The following CEP20 variants were observed in gnomAD, a reference collection of about 807,000 sequenced individuals.
The protein encoded by CEP20 is FGFR1OP N-terminal like.
CEP20 carries 18 observed loss-of-function variants against 20.0 expected under a neutral mutation model. That is an observed-to-expected ratio of 0.90 (90% CI 0.62 to 1.34). The LOEUF is 1.34. Among genes scored for constraint, CEP20 ranks in the 40% most tolerant of loss-of-function variants. CEP20 has a pLI of 0.00. For missense variants in CEP20, 215 were observed against 201.6 expected (o/e 1.07, Z -0.40); for synonymous variants, 77 against 73.7 (o/e 1.04, Z -0.23).
chr16:15,884,048 T>C lies in CEP20; in HGVS notation c.186A>G (p.Glu62=). 2 of 1,613,812 alleles carry C rather than the reference T, an allele frequency of 1.2e-6. No homozygotes were observed. The highest frequency in any genetic ancestry group is 1.7e-6 in the Non-Finnish European group (2 of 1,179,728). ...ATGCTGTATACTTATATTTGTTGAATTCTAAATACTCTCGAATTAATTCAT... is the reference window on the plus strand; with the variant it reads ...ATGCTGTATACTTATATTTGTTGAACTCTAAATACTCTCGAATTAATTCAT... ...LINELIREYL[E]FNKYKYTASV... The change falls in exon 2 of 5, where the codon GAA becomes GAG. Residue 62 remains glutamate, a synonymous_variant. Coordinates refer to ENST00000255759, the MANE Select transcript of CEP20 (RefSeq NM_144600.4).
At chr16:15,876,717 G>A (rs531326357) in intron 3 of CEP20, among the ~76,000 whole-genome samples, 102 of 152,272 alleles carry the variant, frequency 6.7e-4, no homozygotes, top group African/African-American at 2.5e-3. Context: ...TGAGTAATAT[G>A]TGACTATGGC....
intron 4 of CEP20, among the ~76,000 whole-genome samples, chr16:15,869,350 G>A (rs1023960885): frequency 2.2e-5 from 3 of 137,154 alleles, no homozygotes; most frequent in African/African-American, 5.6e-5. Context: ...TCGCTCTGTC[G>A]CCCAGGCTGG....
intron 3 of CEP20, among the ~76,000 whole-genome samples, chr16:15,875,276 T>A (rs1398821734): frequency 1.3e-5 from 2 of 152,206 alleles, no homozygotes; most frequent in East Asian, 1.9e-4. Flanking sequence ...TACTTTAATC[T>A]TCCCCAAAGT....
chr16:15,867,712 C>A (rs1445507744), intron 4 of CEP20, among the ~76,000 whole-genome samples, 196 bp from the exon 5 acceptor site: 1 of 152,174 alleles, frequency 6.6e-6, no homozygotes, highest in Admixed American at 6.5e-5. Flanking sequence ...GTGGCTCACG[C>A]CTGTAATCCC....
chr16:15,870,980 T>A (rs1024541684), intron 4 of CEP20, among the ~76,000 whole-genome samples: 1 of 152,120 alleles, frequency 6.6e-6, no homozygotes. Context: ...GGGCTGGGCA[T>A]GGCCAGATGC....
Position 15,874,220 on chromosome 16 carries a change from G to A in CEP20, c.312-593C>T, listed in dbSNP as rs376800488. On this transcript the variant is annotated intron_variant, in intron 3 of 4. Transcript: ENST00000255759. Reference sequence around the variant, plus strand: ...TAATAAATGTCAAGTGTTTTTTACTGTGCCTGGCACATATGAAATGGTATA... The same window carrying A: ...TAATAAATGTCAAGTGTTTTTTACTATGCCTGGCACATATGAAATGGTATA... Among the ~76,000 whole-genome samples the A allele has an allele frequency of 3.9e-5, 6 of 152,294 alleles. No individual in the cohort carries two copies. The East Asian group carries it at 1.2e-3, about 29-fold the overall frequency.
At chr16:15,874,914 G>A (rs1347586951) in intron 3 of CEP20, among the ~76,000 whole-genome samples, 6 of 152,134 alleles carry the variant, frequency 3.9e-5, no homozygotes, top group Admixed American at 6.6e-5. Context: ...CACTTCAGCA[G>A]CCCTGGAAAG....
chr16:15,873,618 T>A lies in CEP20; in HGVS notation c.321A>T (p.Leu107Phe). The A allele has an allele frequency of 1.2e-6, 2 of 1,613,546 alleles. No homozygotes were observed. Among genetic ancestry groups the A allele is most frequent in the Non-Finnish European group, 8.5e-7 (1 of 1,179,732 alleles). ...EESKDNTIPL[L>F]YGILAHFLRG... ...GCAAGAAATGGGCTAAAATCCCATA[T>A]AAAAGAGGTCTATAGCAGGAAGAAA... The change falls in exon 4 of 5, where the codon TTA (leucine) becomes TTT (phenylalanine). Residue 107 changes from leucine to phenylalanine, a missense_variant. Transcript: ENST00000255759.
chr16:15,886,891 T>C (rs1056559627), intron 1 of CEP20, among the ~76,000 whole-genome samples: 2 of 150,402 alleles, frequency 1.3e-5, no homozygotes, highest in African/African-American at 4.9e-5. Context: ...CTTTTTTATT[T>C]TATTTTTTAA....
At chr16:15,882,979 C>G (rs180738020) in intron 2 of CEP20, 29 of 152,096 alleles carry the variant, frequency 1.9e-4, no homozygotes, top group African/African-American at 5.1e-4. Context: ...GAGGCTGAGG[C>G]AGGAGAACTG....
At chr16:15,877,330 C>T (rs1297891553) in intron 3 of CEP20, 1 of 150,620 alleles carries the variant, frequency 6.6e-6, no homozygotes, top group Non-Finnish European at 1.5e-5. Flanking sequence ...CAGTAATAGT[C>T]ATTGCTTATT....
chr16:15,874,128 T>C (rs1448806403), intron 3 of CEP20, among the ~76,000 whole-genome samples: 2 of 152,214 alleles, frequency 1.3e-5, no homozygotes, highest in African/African-American at 4.8e-5. Flanking sequence ...CTCATAAATG[T>C]TTCTTCCTTT....
At chr16:15,881,249 T>TA (rs34399982) in intron 2 of CEP20, among the ~76,000 whole-genome samples, 9 of 152,216 alleles carry the variant, frequency 5.9e-5, no homozygotes, top group Admixed American at 2.0e-4. Flanking sequence ...CCCAGTTTTT[T>TA]AAAAAAAGCC....
intron 1 of CEP20, among the ~76,000 whole-genome samples, chr16:15,887,410 G>A (rs2045271178): frequency 6.6e-6 from 1 of 152,098 alleles, no homozygotes; most frequent in Non-Finnish European, 1.5e-5. Context: ...TTAAACCCTG[G>A]GTTCCCTGCA....
intron 3 of CEP20, among the ~76,000 whole-genome samples, chr16:15,877,943 C>T (rs1356754445): frequency 1.3e-5 from 2 of 151,814 alleles, no homozygotes; most frequent in Non-Finnish European, 1.5e-5. Flanking sequence ...ACCTGTAATC[C>T]CAGCTACTCA....
At chr16:15,871,865 G>A (rs184319675) in intron 4 of CEP20, among the ~76,000 whole-genome samples, 42 of 152,194 alleles carry the variant, frequency 2.8e-4, no homozygotes, top group Non-Finnish European at 1.5e-5. Context: ...CATCTAACAC[G>A]GTCACTACTG....
intron 4 of CEP20, among the ~76,000 whole-genome samples, chr16:15,872,810 T>C (rs2044853023): frequency 6.6e-6 from 1 of 151,932 alleles, no homozygotes; most frequent in South Asian, 2.1e-4. Context: ...TACCAAAAGC[T>C]CATTTAAAAA....
At chr16:15,884,240 G>A (rs748846397) in intron 1 of CEP20, 35 bp from the exon 2 acceptor site, 2 of 1,557,450 alleles carry the variant, frequency 1.3e-6, no homozygotes, top group East Asian at 2.3e-5. Flanking sequence ...TTCAGTTACA[G>A]AGTAAATTTG....
intron 3 of CEP20, among the ~76,000 whole-genome samples, chr16:15,876,219 T>A (rs1417263193): frequency 6.6e-6 from 1 of 151,582 alleles, no homozygotes; most frequent in Non-Finnish European, 1.5e-5. Context: ...GGCTCACACC[T>A]GTAATCCTAG....
Sources: allele counts gnomAD v4.1 joint callset (sites outside exome capture counted in the v4.1 genomes callset), GRCh38; gene constraint gnomAD v4.1.1; transcripts MANE v1.5; gene names NCBI Gene and HGNC (gene_info 2026-07-23, HGNC 2026-07-21).